The following WDR19 variants were observed in gnomAD, a reference collection of about 807,000 sequenced individuals.
WDR19 encodes the protein WD repeat domain 19, also known as WD repeat-containing protein 19.
In WDR19, 121 loss-of-function variants were observed where a neutral mutation model predicts 180.0. The observed-to-expected ratio is 0.67, with a 90% confidence interval of 0.58 to 0.78. The LOEUF is 0.78. Ranked by LOEUF, WDR19 falls within the 30% of genes least tolerant of loss-of-function variation. WDR19 has a pLI of 0.00. For missense variants in WDR19, 1,450 were observed against 1,640.7 expected (o/e 0.88, Z 2.01); for synonymous variants, 497 against 540.7 (o/e 0.92, Z 1.12).
chr4:39,277,184 A>T, intron 34 of WDR19, 41 bp downstream of exon 34: 4 of 1,552,972 alleles, frequency 2.6e-6, no homozygotes, highest in Non-Finnish European at 3.5e-6. Flanking sequence ...TTGCATATAT[A>T]TTTGTAACCC....
intron 17 of WDR19, among the ~76,000 whole-genome samples, chr4:39,230,604 A>G (rs1202634989): frequency 7.2e-5 from 11 of 152,160 alleles, no homozygotes; most frequent in Admixed American, 7.2e-4. Context: ...AGAGTTACCT[A>G]TTGTAAGTAC....
chr4:39,256,330 T>C (rs1203186757), intron 27 of WDR19, among the ~76,000 whole-genome samples: 1 of 152,212 alleles, frequency 6.6e-6, no homozygotes, highest in Non-Finnish European at 1.5e-5. Flanking sequence ...ACAGAGCCCC[T>C]TGGCCTAAGG....
At chr4:39,238,000 T>A (rs2109387005) in intron 20 of WDR19, 1 of 152,370 alleles carries the variant, frequency 6.6e-6, no homozygotes, top group Non-Finnish European at 1.5e-5. Context: ...TGAAAGCCTC[T>A]GTGTTGTTGT....
chr4:39,240,315 G>A lies in WDR19; in HGVS notation c.2402G>A (p.Gly801Glu). 1 of 1,435,578 alleles carries A rather than the reference G, an allele frequency of 7.0e-7. No homozygotes were observed. The allele number at this position is 1,435,578 out of a possible 1,614,324, so 88.9% of individuals were successfully genotyped here. A position where few individuals can be genotyped will look rare whatever the true frequency, so the allele number is the denominator to read the frequency against. ...AATGCTTTGGCTCATTATGAGAAAG[G>A]AATAACAGGTGATAATAAGGTAACC... Reference protein sequence around the residue: ...YVNALAHYEKGITGDNKEHDE... With the variant: ...YVNALAHYEKEITGDNKEHDE... The change falls in exon 21 of 37, where the codon GGA becomes GAA. Residue 801 changes from glycine (G) to glutamate (E), a missense_variant. Gly to Glu is a moderately conservative substitution (Grantham distance 98). Transcript: ENST00000399820.
chr4:39,215,720 A>C, intron 10 of WDR19, 121 bp from the exon 11 acceptor site: 1 of 1,080,596 alleles, frequency 9.3e-7, no homozygotes, highest in Non-Finnish European at 1.3e-6. Context: ...AAACTACTTA[A>C]ACTAGTAAGG....
intron 36 of WDR19, among the ~76,000 whole-genome samples, chr4:39,281,234 T>TAGAGAGAGAGAGAGAGAGAGAGAGAGAG (rs1189043858): frequency 2.8e-5 from 3 of 108,372 alleles, no homozygotes; most frequent in Middle Eastern, 4.1e-3. Context: ...TATATATATA[T>TAGAGAGAGAGAGAGAGAGAGAGAGAGAG]ATAGAGAGAG....
chr4:39,257,368 T>G, intron 27 of WDR19, 118 bp from the exon 28 acceptor site: 1 of 945,016 alleles, frequency 1.1e-6, no homozygotes. Flanking sequence ...AGCCCCTGGT[T>G]GAGATGAAGA....
At chr4:39,237,242 G>A (rs187571811) in intron 20 of WDR19, among the ~76,000 whole-genome samples, 95 of 152,238 alleles carry the variant, frequency 6.2e-4, no homozygotes, top group African/African-American at 2.2e-3. Flanking sequence ...ATAAATTCGT[G>A]TTGTAGGAGT....
intron 14 of WDR19, among the ~76,000 whole-genome samples, chr4:39,220,970 C>T (rs939056892): frequency 7.0e-6 from 1 of 142,274 alleles, no homozygotes; most frequent in Non-Finnish European, 1.5e-5. Context: ...GATCCTCCTA[C>T]TTTGGCCTCT....
In WDR19 at chr4:39,215,825, T is replaced by A; in HGVS notation, c.962-16T>A. The A allele has an allele frequency of 6.3e-7, 1 of 1,589,952 alleles. No homozygotes were observed. Reference sequence around the variant, plus strand: ...TATTGTTTTTGAATAATCATTTATTTTGTCGATTATTTCAGGATTGGGTAC... The same window carrying A: ...TATTGTTTTTGAATAATCATTTATTATGTCGATTATTTCAGGATTGGGTAC... On this transcript the variant is annotated splice_polypyrimidine_tract_variant and intron_variant, in intron 10 of 36. Transcript: ENST00000399820.
intron 36 of WDR19, among the ~76,000 whole-genome samples, chr4:39,281,236 T>TATATATATATATAGAGAG (rs762298152): frequency 5.8e-5 from 6 of 104,028 alleles, no homozygotes; most frequent in African/African-American, 2.6e-4. Flanking sequence ...TATATATATA[T>TATATATATATATAGAGAG]AGAGAGAGAG....
chr4:39,253,105 G>T, intron 24 of WDR19, 41 bp from the exon 25 acceptor site: 2 of 1,529,346 alleles, frequency 1.3e-6, no homozygotes, highest in South Asian at 2.6e-5. Context: ...TCCCCAAATT[G>T]ACAGTGTTAA....
intron 14 of WDR19, 22 bp from the exon 15 acceptor site, chr4:39,224,862 C>A: frequency 2.1e-6 from 3 of 1,442,510 alleles, no homozygotes; most frequent in Middle Eastern, 2.2e-4. Flanking sequence ...ATTTTCATGG[C>A]TGGATTTTTT....
At position 39,277,119 on chromosome 4, in the gene WDR19, C is replaced by T. The variant is rs768231686; in HGVS notation, c.3816C>T (p.Asn1272=). ...ECELLCPGCK[N]SIPYCIATGR... is the part of the protein sequence containing the mutation. Reference sequence around the variant, plus strand: ...AACTCCTCTGTCCTGGATGTAAAAACAGTATCCCATATTGCATTGCAACAG... The same window carrying T: ...AACTCCTCTGTCCTGGATGTAAAAATAGTATCCCATATTGCATTGCAACAG... Residue 1272 remains asparagine (N), a synonymous_variant, in exon 34 of 37, where the codon AAC becomes AAT. Coordinates refer to ENST00000399820, the MANE Select transcript of WDR19 (RefSeq NM_025132.4). 1.9e-6 allele frequency: 3 copies of T among 1,613,032 alleles called. No homozygotes were observed. The highest frequency in any genetic ancestry group is 2.2e-5 in the South Asian group (2 of 90,788).
chr4:39,278,786 T>C (rs2109527321), intron 36 of WDR19, 123 bp downstream of exon 36: 2 of 484,074 alleles, frequency 4.1e-6, no homozygotes, highest in Non-Finnish European at 3.7e-6. Flanking sequence ...ATTTGAACAA[T>C]CTGACAACCA....
At chr4:39,250,823 G>A (rs1309694008) in intron 24 of WDR19, among the ~76,000 whole-genome samples, 2 of 152,148 alleles carry the variant, frequency 1.3e-5, no homozygotes, top group Non-Finnish European at 2.9e-5. Context: ...CCTCTTCAAG[G>A]AGAACTACAA....
chr4:39,275,091 A>C, intron 33 of WDR19, 133 bp downstream of exon 33: 1 of 1,123,666 alleles, frequency 8.9e-7, no homozygotes, highest in Non-Finnish European at 1.3e-6. Flanking sequence ...TATAATCCCA[A>C]CACTTTGGAA....
intron 20 of WDR19, among the ~76,000 whole-genome samples, chr4:39,239,365 C>T (rs1731682980): frequency 6.6e-6 from 1 of 151,968 alleles, no homozygotes; most frequent in South Asian, 2.1e-4. Context: ...TGTATTCTTC[C>T]ACTTCTACCC....
intron 28 of WDR19, among the ~76,000 whole-genome samples, chr4:39,261,357 A>T (rs1734280381): frequency 6.6e-6 from 1 of 152,104 alleles, no homozygotes; most frequent in African/African-American, 2.4e-5. Flanking sequence ...TGATCAATCT[A>T]TGATAAGCTT....
Sources: allele counts gnomAD v4.1 joint callset (sites outside exome capture counted in the v4.1 genomes callset), GRCh38; gene constraint gnomAD v4.1.1; transcripts MANE v1.5; gene names NCBI Gene and HGNC (gene_info 2026-07-23, HGNC 2026-07-21).